Variants in STAT6 observed in about 807,000 individuals in gnomAD.
STAT6 encodes the protein STAT, interleukin4-induced.
Under a neutral mutation model 106.3 loss-of-function variants are expected in STAT6, and 45 were observed. The ratio of observed to expected loss-of-function variants is 0.42; its 90% CI spans 0.33 to 0.54. The LOEUF (loss-of-function observed/expected upper bound fraction) is 0.54. Ranked by LOEUF, STAT6 falls within the 20% of genes least tolerant of loss-of-function variation. The probability of loss-of-function intolerance (pLI) is 0.06; values close to 1 mark genes in which losing one functional copy is unlikely to be tolerated. For missense variants in STAT6, 797 were observed against 1,062.2 expected, an observed-to-expected ratio of 0.75 and a Z score of 3.47; for synonymous variants, 413 against 413.6, an observed-to-expected ratio of 1.00 and a Z score of 0.02.
chr12:57,100,084 G>C lies in STAT6; in HGVS notation c.1519C>G (p.Leu507Val). 6.3e-7 allele frequency: 1 copy of C among 1,597,710 alleles called. No homozygotes were observed. ...CAAAAGGTGAAGCCACGGCCCAGCA[G>C]GATCTCCTAGGGGGAGAGGGGGAAA... ...VSWSQFNKEI[L>V]LGRGFTFWQW... is the part of the protein sequence containing the mutation. The change falls in exon 14 of 22, where the codon CTG becomes GTG. Residue 507 changes from leucine (L) to valine (V), a missense_variant. By Grantham distance (32) the Leu-to-Val change is conservative. Coordinates refer to ENST00000300134, the MANE Select transcript of STAT6 (RefSeq NM_003153.5).
chr12:57,102,439 G>A lies in STAT6; in HGVS notation c.1363C>T (p.Leu455=). ...RVPWEKMCET[L]NLKFMAEVGT... Reference sequence around the variant, plus strand: ...ACCTCAGCCATGAACTTCAGGTTCAGAGTTTCACACATCTTCTCCCAGGGC... The same window carrying A: ...ACCTCAGCCATGAACTTCAGGTTCAAAGTTTCACACATCTTCTCCCAGGGC... The change falls in exon 13 of 22, where the codon CTG becomes TTG. Residue 455 remains leucine, a synonymous_variant. Coordinates refer to ENST00000300134, the MANE Select transcript of STAT6 (RefSeq NM_003153.5). 6.2e-7 allele frequency: 1 copy of A among 1,614,120 alleles called. No individual in the cohort carries two copies. The highest frequency in any genetic ancestry group is 8.5e-7 in the Non-Finnish European group (1 of 1,180,028).
intron 18 of STAT6, 51 bp from the exon 19 acceptor site, chr12:57,098,648 C>T (rs1350447848): frequency 6.3e-7 from 1 of 1,589,598 alleles, no homozygotes; most frequent in Non-Finnish European, 8.6e-7. Context: ...CTGGACACCA[C>T]CACACCCTGC....
intron 2 of STAT6, among the ~76,000 whole-genome samples, 162 bp downstream of exon 2, chr12:57,108,001 C>G (rs1279398219): frequency 6.6e-6 from 1 of 152,210 alleles, no homozygotes; most frequent in Non-Finnish European, 1.5e-5. Flanking sequence ...CATTCATAGC[C>G]TGGTCTTGAT....
chr12:57,104,308 C>T (rs1448154472), intron 11 of STAT6, 156 bp downstream of exon 11: 2 of 1,089,278 alleles, frequency 1.8e-6, no homozygotes, highest in East Asian at 2.6e-5. Flanking sequence ...ACTCCATGCT[C>T]TTGCTCACCC....
At chr12:57,103,764 A>G (rs2034103942) in intron 11 of STAT6, 1 of 151,078 alleles carries the variant, frequency 6.6e-6, no homozygotes. Context: ...ACGGGGTTTC[A>G]CCATATTGGC....
At chr12:57,106,630 A>T (rs372518613) in intron 5 of STAT6, 50 bp from the exon 6 acceptor site, 1 of 1,613,416 alleles carries the variant, frequency 6.2e-7, no homozygotes, top group Non-Finnish European at 8.5e-7. Flanking sequence ...AGAGGTTCAG[A>T]TAAGGTTGAG....
Position 57,106,731 on chromosome 12 carries a change from A to C in STAT6, c.440T>G (p.Leu147Arg). ...AGCCCCCTTCTGCAGGGCTTCTCGG[A>C]GAAGGTGGATCTCCCCTACTCGGTG... ...LQHRVGEIHL[L>R]REALQKGAEA... The change falls in exon 5 of 22, where the codon CTC becomes CGC. Residue 147 changes from leucine to arginine, a missense_variant. Coordinates refer to ENST00000300134, the MANE Select transcript of STAT6 (RefSeq NM_003153.5). The C allele has an allele frequency of 6.2e-7, 1 of 1,614,104 alleles. No homozygotes were observed. The highest frequency in any genetic ancestry group is 8.5e-7 in the Non-Finnish European group (1 of 1,180,020).
At position 57,104,504 on chromosome 12, in the gene STAT6, C is replaced by G; in HGVS notation, c.1172G>C (p.Ser391Thr). 1.2e-6 allele frequency: 2 copies of G among 1,612,828 alleles called. No individual in the cohort carries two copies. The highest frequency in any genetic ancestry group is 1.1e-5 in the South Asian group (1 of 90,724). The change falls in exon 11 of 22, where the codon AGC becomes ACC. Residue 391 changes from serine (S) to threonine (T), a missense_variant. Coordinates refer to ENST00000300134, the MANE Select transcript of STAT6 (RefSeq NM_003153.5). The part of the protein sequence containing the change: ...EEKCAVLFSA[S>T]FTLGPGKLPI... Reference sequence around the variant, plus strand: ...GAGTTTGCCGGGGCCAAGTGTGAAGCTGGCAGAGAAGAGCACAGCGCACTT... The same window carrying G: ...GAGTTTGCCGGGGCCAAGTGTGAAGGTGGCAGAGAAGAGCACAGCGCACTT...
intron 12 of STAT6, among the ~76,000 whole-genome samples, 154 bp downstream of exon 12, chr12:57,102,675 G>T (rs1364567062): frequency 6.6e-6 from 1 of 152,096 alleles, no homozygotes; most frequent in African/African-American, 2.4e-5. Context: ...AGACTGGGGT[G>T]AAAAGAGGTC....
chr12:57,097,134 C>T lies in STAT6; in HGVS notation c.2160-1G>A. On this transcript the variant is annotated splice_acceptor_variant, in intron 19 of 21. Transcript: ENST00000300134. LOFTEE classifies it high-confidence loss of function. ...GCTGGGGGGCATCTGCAGGTGAGGC[C>T]TGGAAGTAGGGAGAGCACAGTTAGA... The T allele has an allele frequency of 6.6e-7, 1 of 1,512,794 alleles. No individual in the cohort carries two copies. Among genetic ancestry groups the T allele is most frequent in the Non-Finnish European group, 8.8e-7 (1 of 1,131,216 alleles). The allele number at this position is 1,512,794 out of a possible 1,614,324, so 93.7% of individuals were successfully genotyped here.
Position 57,104,794 on chromosome 12 carries a change from T to C in STAT6, c.1021A>G (p.Ile341Val), listed in dbSNP as rs745351356. Residue 341 changes from isoleucine (I) to valine (V), a missense_variant, in exon 10 of 22, where the codon ATC (isoleucine) becomes GTC (valine). Around this residue, in one of 4 missense-constraint regions of STAT6, gnomAD observed 336 missense variants for 429.8 expected, o/e 0.78. Coordinates refer to ENST00000300134, the MANE Select transcript of STAT6 (RefSeq NM_003153.5). Reference sequence around the variant, plus strand: ...TTCTCCAAGGGCACAGTGTTGTTGATGATTTCTCCAGTGCTTTCTCTGCCA... The same window carrying C: ...TTCTCCAAGGGCACAGTGTTGTTGACGATTTCTCCAGTGCTTTCTCTGCCA... ...GAGAESTGEI[I>V]NNTVPLENSI... 11 of 1,614,032 alleles carry C rather than the reference T, an allele frequency of 6.8e-6. No homozygotes were observed. Among genetic ancestry groups the C allele is most frequent in the Non-Finnish European group, 9.3e-6 (11 of 1,180,026 alleles).
chr12:57,106,614 C>A (rs1027784950), intron 5 of STAT6, 34 bp from the exon 6 acceptor site: 1 of 1,613,778 alleles, frequency 6.2e-7, no homozygotes, highest in African/African-American at 1.3e-5. Flanking sequence ...AGGGTGCAGA[C>A]AGATTAGAGG....
At chr12:57,107,840 G>T (rs1053685349) in intron 2 of STAT6, 97 bp from the exon 3 acceptor site, 5 of 1,521,036 alleles carry the variant, frequency 3.3e-6, no homozygotes, top group Non-Finnish European at 2.7e-6. Flanking sequence ...TTCCTTTCTC[G>T]CTCCTTATTC....
chr12:57,105,313 G>C lies in STAT6; in HGVS notation c.839C>G (p.Pro280Arg). ...CTTGGTCTGAGTCTTCAGTACCTGG[G>C]GGGGCTGCTTCTCCACCAGGAAGCA... The part of the protein sequence containing the change: ...TSCFLVEKQP[P>R]QVLKTQTKFQ... The change falls in exon 9 of 22, where the codon CCC (proline) becomes CGC (arginine). Residue 280 changes from proline to arginine, a missense_variant. By Grantham distance (103) the Pro-to-Arg change is moderately radical (BLOSUM62 -2). Coordinates refer to ENST00000300134, the MANE Select transcript of STAT6 (RefSeq NM_003153.5). 1 of 1,614,110 alleles carries C rather than the reference G, an allele frequency of 6.2e-7. No homozygotes were observed. The highest frequency in any genetic ancestry group is 8.5e-7 in the Non-Finnish European group (1 of 1,179,980).
intron 13 of STAT6, among the ~76,000 whole-genome samples, chr12:57,101,218 A>G (rs2033908424): frequency 6.6e-6 from 1 of 151,362 alleles, no homozygotes; most frequent in African/African-American, 2.4e-5. Flanking sequence ...CCTCCCGAGT[A>G]GTTGGGACTA....
chr12:57,109,223 GAAATA>G (rs1341072646), intron 1 of STAT6, among the ~76,000 whole-genome samples: 3 of 151,888 alleles, frequency 2.0e-5, no homozygotes, highest in Non-Finnish European at 4.4e-5. Flanking sequence ...ATAAATAAAT[GAAATA>G]AAATAAAAAT....
At chr12:57,105,948 A>T (rs944557579) in intron 7 of STAT6, 8 of 667,456 alleles carry the variant, frequency 1.2e-5, no homozygotes, top group African/African-American at 1.1e-4. Context: ...TCCTCTAGGC[A>T]TGGGGCTTGA....
At chr12:57,107,429 C>T in intron 3 of STAT6, 115 bp from the exon 4 acceptor site, 1 of 1,314,286 alleles carries the variant, frequency 7.6e-7, no homozygotes, top group African/African-American at 1.5e-5. Flanking sequence ...ACTGTAGACT[C>T]CAGAAGTTTT....
intron 9 of STAT6, 100 bp downstream of exon 9, chr12:57,105,051 C>T: frequency 7.1e-7 from 1 of 1,409,220 alleles, no homozygotes; most frequent in Non-Finnish European, 9.6e-7. Flanking sequence ...CATCCCATGG[C>T]CCTCCCTCCC....
Sources: gnomAD v4.1 joint callset for allele counts (sites outside exome capture counted in the v4.1 genomes callset) on GRCh38, gnomAD v4.1.1 for gene constraint, gnomAD v4.1.1 regional missense constraint, MANE v1.5 for transcripts, NCBI Gene and HGNC (gene_info 2026-07-23, HGNC 2026-07-21) for gene names.